NDUFS2: variants seen among roughly 807,000 people sequenced by gnomAD.
NDUFS2 encodes the protein NADH:ubiquinone oxidoreductase core subunit S2, also known as NADH dehydrogenase [ubiquinone] iron-sulfur protein 2, mitochondrial.
A neutral mutation model predicts 69.6 loss-of-function variants in NDUFS2; 38 were observed. The ratio of observed to expected loss-of-function variants is 0.55; its 90% CI spans 0.42 to 0.72. NDUFS2 has a LOEUF of 0.72. NDUFS2 is among the 30% of genes least tolerant of loss of function. The pLI is 0.00. For synonymous variants in NDUFS2, 194 were observed against 211.2 expected (o/e 0.92, Z 0.70); for missense variants, 468 against 595.0 (o/e 0.79, Z 2.22).
chr1:161,203,603 TTTC>T, intron 2 of NDUFS2, 60 bp downstream of exon 2: 1 of 1,407,396 alleles, frequency 7.1e-7, no homozygotes, highest in Non-Finnish European at 9.9e-7. Context: ...CTGATTTCCT[TTTC>T]TTTTTTTGAG....
rs1665636821 is a variant in NDUFS2, at chr1:161,209,236, G to A, written c.437G>A (p.Cys146Tyr). 1 of 1,614,028 alleles carries A rather than the reference G, an allele frequency of 6.2e-7. No homozygotes were observed. The highest frequency in any genetic ancestry group is 1.3e-5 in the African/African-American group (1 of 74,914). The change falls in exon 4 of 14, where the codon TGT (cysteine) becomes TAT (tyrosine). Residue 146 changes from cysteine to tyrosine, a missense_variant. Physicochemically the swap from Cys to Tyr is radical, Grantham distance 194. Coordinates refer to ENST00000676972, the MANE Select transcript of NDUFS2 (RefSeq NM_001377299.1). ...CGGCTAGACTATGTGTCCATGATGTGTAACGAACAGGCCTATTCTCTAGCT... is the reference window on the plus strand; with the variant it reads ...CGGCTAGACTATGTGTCCATGATGTATAACGAACAGGCCTATTCTCTAGCT... ...FDRLDYVSMM[C>Y]NEQAYSLAVE...
At chr1:161,198,000 C>T (rs968430144), upstream of NDUFS2, 5 of 1,557,240 alleles carry the variant, frequency 3.2e-6, no homozygotes, top group East Asian at 2.3e-5. Context: ...CCTACCTTGG[C>T]TCTTCGGGGT....
Position 161,209,927 on chromosome 1 carries a change from A to C in NDUFS2, c.698A>C (p.His233Pro), listed in dbSNP as rs775777696. The C allele has an allele frequency of 3.7e-6, 6 of 1,613,914 alleles. No individual in the cohort carries two copies. The change falls in exon 6 of 14, where the codon CAC (histidine) becomes CCC (proline). Residue 233 changes from histidine (H) to proline (P), a missense_variant. Transcript: ENST00000676972. ...HAAYIRPGGV[H>P]QDLPLGLMDD... ...GCTTATATCCGGCCAGGAGGAGTGCACCAGGTGAGCAGGTCCCCGGCTTCC... is the reference window on the plus strand; with the variant it reads ...GCTTATATCCGGCCAGGAGGAGTGCCCCAGGTGAGCAGGTCCCCGGCTTCC...
upstream of NDUFS2, among the ~76,000 whole-genome samples, chr1:161,201,852 C>A (rs1460654184): frequency 1.3e-5 from 2 of 152,212 alleles, no homozygotes; most frequent in Non-Finnish European, 2.9e-5. Context: ...CGCCCAGCCC[C>A]ACTTAGGCTC....
At chr1:161,213,621 C>A in intron 11 of NDUFS2, 28 bp from the exon 12 acceptor site, 1 of 1,610,492 alleles carries the variant, frequency 6.2e-7, no homozygotes, top group Non-Finnish European at 8.5e-7. Context: ...CATGTTAATA[C>A]AGACACCCAA....
chr1:161,209,451 T>C, intron 4 of NDUFS2, 32 bp from the exon 5 acceptor site: 1 of 1,611,334 alleles, frequency 6.2e-7, no homozygotes. Context: ...AGTGCTTGGC[T>C]CCTATATCCT....
In NDUFS2 at chr1:161,209,479, A is replaced by G. The variant is rs775165670; in HGVS notation, c.515-4A>G. The stretch of plus-strand genomic sequence containing the variant: ...TATATCCTGTCTTCTCCTTGTCTTC[A>G]CAGTGCTGTTTGGAGAAATCACACG... On this transcript the variant is annotated splice_region_variant and splice_polypyrimidine_tract_variant and intron_variant, in intron 4 of 13. Coordinates refer to ENST00000676972, the MANE Select transcript of NDUFS2 (RefSeq NM_001377299.1). The G allele has an allele frequency of 6.2e-7, 1 of 1,613,334 alleles. No homozygotes were observed. The highest frequency in any genetic ancestry group is 8.5e-7 in the Non-Finnish European group (1 of 1,179,730).
At chr1:161,199,650 G>C (rs1305671303), upstream of NDUFS2, 2 of 152,536 alleles carry the variant, frequency 1.3e-5, no homozygotes, top group East Asian at 1.9e-4. Context: ...AGTGATCAGG[G>C]AGTTGACTGC....
upstream of NDUFS2, chr1:161,198,617 G>T (rs17855814): frequency 6.6e-7 from 1 of 1,523,966 alleles, no homozygotes; most frequent in East Asian, 2.4e-5. The surrounding 1 kb of genome is among the most constrained non-coding windows in gnomAD (Gnocchi z 4.7). Context: ...ATGCGAGCCT[G>T]TCTGGGACAT....
upstream of NDUFS2, chr1:161,198,335 T>A: frequency 6.2e-7 from 1 of 1,613,352 alleles, no homozygotes; most frequent in Non-Finnish European, 8.5e-7. The surrounding 1 kb of genome is among the most constrained non-coding windows in gnomAD (Gnocchi z 4.7). Context: ...ACCGGAGTCC[T>A]GCTCCAGCTC....
At chr1:161,210,458 G>C in intron 8 of NDUFS2, 69 bp downstream of exon 8, 1 of 1,601,202 alleles carries the variant, frequency 6.2e-7, no homozygotes, top group Non-Finnish European at 8.6e-7. Context: ...CTAATATCTT[G>C]TCTTTGAAGA....
In NDUFS2 at chr1:161,210,632, G is replaced by A. The variant is rs1185164177; in HGVS notation, c.908G>A (p.Arg303Gln). Reference protein sequence around the residue: ...LRGSGIQWDLRKTQPYDVYDQ... With the variant: ...LRGSGIQWDLQKTQPYDVYDQ... ...GGCTCAGGCATCCAGTGGGACCTGC[G>A]GAAGACCCAGCCCTATGATGTTTAC... The change falls in exon 9 of 14, where the codon CGG (arginine) becomes CAG (glutamine). Residue 303 changes from arginine to glutamine, a missense_variant. Arg to Gln is a conservative substitution (Grantham distance 43). Coordinates refer to ENST00000676972, the MANE Select transcript of NDUFS2 (RefSeq NM_001377299.1). 4 of 1,614,112 alleles carry A rather than the reference G, an allele frequency of 2.5e-6. No individual in the cohort carries two copies. Among genetic ancestry groups the A allele is most frequent in the Non-Finnish European group, 1.7e-6 (2 of 1,180,010 alleles).
Position 161,203,406 on chromosome 1 carries a change from CT to C in NDUFS2, c.96-28del, listed in dbSNP as rs1206750682. On this transcript the variant is annotated intron_variant, in intron 1 of 13. Transcript: ENST00000676972. ...ACAGGAACCAAACACTGTTCAGGCC[CT>C]TTGTCTAGGATCTGTCTTTGACTCC... is the stretch of plus-strand genomic sequence containing the variant. 5.7e-6 allele frequency: 9 copies of C among 1,590,010 alleles called. No individual in the cohort carries two copies. The Admixed American group carries it at 1.5e-4, about 27-fold the overall frequency.
chr1:161,204,403 A>G (rs1665343099), intron 2 of NDUFS2, among the ~76,000 whole-genome samples: 2 of 152,124 alleles, frequency 1.3e-5, no homozygotes, highest in Non-Finnish European at 2.9e-5. Context: ...GTAATGTCTC[A>G]TATCTGGTCA....
chr1:161,210,042 G>C, intron 6 of NDUFS2, 69 bp from the exon 7 acceptor site: 1 of 1,590,102 alleles, frequency 6.3e-7, no homozygotes, highest in Admixed American at 1.7e-5. Context: ...GCTGGGGGAG[G>C]GGGTGCTGAG....
intron 4 of NDUFS2, 35 bp downstream of exon 4, chr1:161,209,348 G>A: frequency 6.2e-7 from 1 of 1,614,044 alleles, no homozygotes; most frequent in East Asian, 2.2e-5. Context: ...GGCCCACTGT[G>A]AGCATAGCAT....
At chr1:161,202,575 C>T (rs1483641122) in intron 1 of NDUFS2, 95 bp downstream of exon 1, 11 of 1,258,448 alleles carry the variant, frequency 8.7e-6, no homozygotes, top group East Asian at 2.5e-5. Context: ...TAACCCAAGC[C>T]TGTGACCCCA....
Position 161,210,174 on chromosome 1 carries a change from G to C in NDUFS2, c.766G>C (p.Asp256His). ...QFSKNFSLRLDELEELLTNNR... is the reference protein window; with the variant it reads ...QFSKNFSLRLHELEELLTNNR... Reference sequence around the variant, plus strand: ...TTCTAAGAACTTCTCTCTTCGGCTTGATGAGTTGGAGGAGGTAAGCTAGGA... The same window carrying C: ...TTCTAAGAACTTCTCTCTTCGGCTTCATGAGTTGGAGGAGGTAAGCTAGGA... The change falls in exon 7 of 14, where the codon GAT becomes CAT. Residue 256 changes from aspartate to histidine, a missense_variant. By Grantham distance (81) the Asp-to-His change is moderately conservative. This residue lies in a region of NDUFS2 where 339 missense variants were observed against 433.8 expected (regional missense o/e 0.78). Coordinates refer to ENST00000676972, the MANE Select transcript of NDUFS2 (RefSeq NM_001377299.1). The C allele has an allele frequency of 1.2e-6, 2 of 1,614,100 alleles. No homozygotes were observed. Among genetic ancestry groups the C allele is most frequent in the Non-Finnish European group, 1.7e-6 (2 of 1,180,020 alleles).
chr1:161,213,755 A>G (rs370166252), intron 12 of NDUFS2, 23 bp downstream of exon 12: 4 of 1,613,838 alleles, frequency 2.5e-6, no homozygotes, highest in African/African-American at 1.3e-5. Flanking sequence ...CCCAGTAACT[A>G]TAACTCCAAT....
Sources: gnomAD v4.1 joint callset for allele counts (sites outside exome capture counted in the v4.1 genomes callset) on GRCh38, gnomAD v4.1.1 for gene constraint, gnomAD v4.1.1 regional missense constraint, Gnocchi (gnomAD v3.1) non-coding constraint, MANE v1.5 for transcripts, NCBI Gene and HGNC (gene_info 2026-07-23, HGNC 2026-07-21) for gene names.